The following SPATA13 variants were observed in gnomAD, a reference collection of about 807,000 sequenced individuals.
The protein encoded by SPATA13 is spermatogenesis-associated protein 13.
Under a neutral mutation model 104.0 loss-of-function variants are expected in SPATA13, and 50 were observed. The ratio of observed to expected loss-of-function variants is 0.48; its 90% CI spans 0.38 to 0.61. The LOEUF (loss-of-function observed/expected upper bound fraction) is 0.61. Among genes scored for constraint, SPATA13 ranks in the 20% least tolerant of loss-of-function variants. The probability of loss-of-function intolerance (pLI) is 0.00; values close to 1 mark genes in which losing one functional copy is unlikely to be tolerated. For synonymous variants in SPATA13, 606 were observed against 667.5 expected, an observed-to-expected ratio of 0.91 and a Z score of 1.42; for missense variants, 1,524 against 1,690.6, an observed-to-expected ratio of 0.90 and a Z score of 1.73.
chr13:24,290,583 A>T, intron 8 of SPATA13, 69 bp from the exon 9 acceptor site: 1 of 1,169,340 alleles, frequency 8.6e-7, no homozygotes, highest in Non-Finnish European at 1.3e-6. Context: ...GAGGGCTGGG[A>T]TGATGCCTGT....
intron 3 of SPATA13, among the ~76,000 whole-genome samples, chr13:24,048,318 A>C (rs1336146228): frequency 6.6e-6 from 1 of 152,250 alleles, no homozygotes; most frequent in Non-Finnish European, 1.5e-5. Context: ...TGTTTAGAAA[A>C]TAAGATACAA....
At chr13:24,104,575 T>C (rs1186913734) in intron 3 of SPATA13, among the ~76,000 whole-genome samples, 1 of 152,218 alleles carries the variant, frequency 6.6e-6, no homozygotes, top group Non-Finnish European at 1.5e-5. Context: ...AAGAAGCCGA[T>C]TCCTTTTCAT....
At chr13:24,277,472 C>G (rs1316711491) in intron 4 of SPATA13, among the ~76,000 whole-genome samples, 1 of 148,220 alleles carries the variant, frequency 6.7e-6, no homozygotes, top group African/African-American at 2.5e-5. Flanking sequence ...AGAAGAAGTT[C>G]ACCTTGGAAG....
chr13:24,258,689 G>GA (rs1228342530), intron 4 of SPATA13, among the ~76,000 whole-genome samples: 1 of 152,044 alleles, frequency 6.6e-6, no homozygotes, highest in Non-Finnish European at 1.5e-5. Flanking sequence ...AAGAGAGACT[G>GA]AAAAGTTAGA....
chr13:24,004,927 A>G (rs978416005), intron 2 of SPATA13, among the ~76,000 whole-genome samples: 7 of 152,236 alleles, frequency 4.6e-5, no homozygotes, highest in African/African-American at 1.4e-4. Context: ...CTGTCCTATT[A>G]TCATCACAAT....
intron 3 of SPATA13, among the ~76,000 whole-genome samples, chr13:24,074,421 G>A (rs961211993): frequency 6.6e-6 from 1 of 152,070 alleles, no homozygotes. Context: ...TGGACACTTG[G>A]GTTGCTTCCA....
intron 12 of SPATA13, 87 bp from the exon 13 acceptor site, chr13:24,302,511 T>G (rs1877270755): frequency 4.5e-6 from 3 of 663,976 alleles, no homozygotes. Context: ...GAACTTGGAC[T>G]TGGAGTCTCA....
rs1871735881 is a variant in SPATA13 at position 24,223,571 on chromosome 13, G to A, written c.642G>A (p.Leu214=). 5.8e-6 allele frequency: 9 copies of A among 1,549,778 alleles called. No homozygotes were observed. The highest frequency in any genetic ancestry group is 7.8e-6 in the Non-Finnish European group (9 of 1,147,002). Residue 214 remains leucine, a synonymous_variant, in exon 2 of 13, where the codon CTG becomes CTA. Transcript: ENST00000382108. The part of the protein sequence containing the change: ...RRAYGLGRIC[L]LDAPQNHATP... ...CCTACGGCCTGGGCCGCATCTGCCT[G>A]CTGGATGCGCCCCAGAACCATGCGA... is the stretch of plus-strand genomic sequence containing the variant.
chr13:23,980,498 C>T (rs1834932015), intron 1 of SPATA13, among the ~76,000 whole-genome samples: 1 of 152,234 alleles, frequency 6.6e-6, no homozygotes, highest in Admixed American at 6.5e-5. Flanking sequence ...AAACTATCAC[C>T]TACTTAATAC....
At chr13:24,017,465 A>G (rs1012933420) in intron 2 of SPATA13, among the ~76,000 whole-genome samples, 1 of 152,190 alleles carries the variant, frequency 6.6e-6, no homozygotes, top group Non-Finnish European at 1.5e-5. Flanking sequence ...TCTGCTCTTA[A>G]GGCCATGTGA....
chr13:24,049,366 T>G (rs1878257783), intron 3 of SPATA13, among the ~76,000 whole-genome samples: 1 of 152,232 alleles, frequency 6.6e-6, no homozygotes, highest in African/African-American at 2.4e-5. Flanking sequence ...CTCAGTACAG[T>G]AACGTGTGCA....
At chr13:24,001,525 G>A (rs1355447592) in intron 2 of SPATA13, among the ~76,000 whole-genome samples, 1 of 152,022 alleles carries the variant, frequency 6.6e-6, no homozygotes, top group Non-Finnish European at 1.5e-5. Context: ...GGGAAAGGCA[G>A]GAGGGTGGCC....
chr13:23,995,585 G>A (rs1047288629), intron 2 of SPATA13, among the ~76,000 whole-genome samples: 3 of 152,184 alleles, frequency 2.0e-5, no homozygotes, highest in African/African-American at 7.2e-5. Flanking sequence ...AGATAAAAAT[G>A]TGAGGTCATG....
At position 24,249,825 on chromosome 13, in the gene SPATA13, G is replaced by A; in HGVS notation, c.2002G>A (p.Asp668Asn). ...TGGGACCAACCAGACGGAGGAACTG[G>A]ACAATCTTCTGACCCAAGTAAGATC... ...LYGTNQTEEL[D>N]NLLTQPASRP... Residue 668 changes from aspartate (D) to asparagine (N), a missense_variant, in exon 3 of 13, where the codon GAC (aspartate) becomes AAC (asparagine). By Grantham distance (23) the Asp-to-Asn change is conservative (BLOSUM62 1). Coordinates refer to ENST00000382108, the MANE Select transcript of SPATA13 (RefSeq NM_001166271.3). The A allele has an allele frequency of 6.2e-7, 1 of 1,606,100 alleles. No homozygotes were observed. Among genetic ancestry groups the A allele is most frequent in the East Asian group, 2.2e-5 (1 of 44,826 alleles).
intron 2 of SPATA13, among the ~76,000 whole-genome samples, chr13:24,009,613 G>A (rs1375170682): frequency 1.3e-5 from 2 of 152,206 alleles, no homozygotes; most frequent in East Asian, 1.9e-4. Flanking sequence ...AATGGCAATT[G>A]ATTGAAAGAG....
intron 3 of SPATA13, among the ~76,000 whole-genome samples, chr13:24,096,179 A>C (rs531215303): frequency 6.6e-6 from 1 of 152,328 alleles, no homozygotes; most frequent in African/African-American, 2.4e-5. Flanking sequence ...GAGCTAAACC[A>C]AAGAACAAAA....
intron 2 of SPATA13, among the ~76,000 whole-genome samples, chr13:24,012,644 C>T (rs930051377): frequency 2.6e-5 from 4 of 152,238 alleles, no homozygotes; most frequent in African/African-American, 9.6e-5. Context: ...CTGTTCCCTC[C>T]CCGTCTTCCG....
At chr13:24,026,199 C>A (rs1043065763) in intron 3 of SPATA13, among the ~76,000 whole-genome samples, 3 of 152,188 alleles carry the variant, frequency 2.0e-5, no homozygotes, top group Non-Finnish European at 4.4e-5. Context: ...AACAGAAGTT[C>A]TTAATGTATT....
intron 1 of SPATA13, among the ~76,000 whole-genome samples, chr13:24,214,477 A>G (rs1213183999): frequency 6.6e-6 from 1 of 152,252 alleles, no homozygotes; most frequent in African/African-American, 2.4e-5. Context: ...TAAAAGTAAA[A>G]GAAACTGCTC....
Sources: gnomAD v4.1 joint callset for allele counts (sites outside exome capture counted in the v4.1 genomes callset) on GRCh38, gnomAD v4.1.1 for gene constraint, MANE v1.5 for transcripts, NCBI Gene and HGNC (gene_info 2026-07-23, HGNC 2026-07-21) for gene names.